The following AUTS2 variants were observed in gnomAD, a reference collection of about 807,000 sequenced individuals.
The protein encoded by AUTS2 is activator of transcription and developmental regulator AUTS2, also known as autism susceptibility gene 2 protein.
In AUTS2, 17 loss-of-function variants were observed where a neutral mutation model predicts 112.4. The ratio of observed to expected loss-of-function variants is 0.15; its 90% CI spans 0.10 to 0.23. The LOEUF (loss-of-function observed/expected upper bound fraction) is 0.23, where lower values mean the gene tolerates loss of function less well. Ranked by LOEUF, AUTS2 falls within the 10% of genes least tolerant of loss-of-function variation. The pLI is 1.00. For missense variants in AUTS2, 1,510 were observed against 1,701.6 expected, an observed-to-expected ratio of 0.89 and a Z score of 1.98; for synonymous variants, 751 against 702.7, an observed-to-expected ratio of 1.07 and a Z score of -1.09.
At chr7:70,668,876 G>A (rs1358767869) in intron 5 of AUTS2, among the ~76,000 whole-genome samples, 1 of 152,196 alleles carries the variant, frequency 6.6e-6, no homozygotes, top group African/African-American at 2.4e-5. Flanking sequence ...AGTAAGGCAC[G>A]CTTCCCTGGG....
At chr7:69,956,907 G>A (rs1272304523) in intron 2 of AUTS2, among the ~76,000 whole-genome samples, 2 of 141,160 alleles carry the variant, frequency 1.4e-5, no homozygotes, top group Non-Finnish European at 3.1e-5. Context: ...CCATTGTCCA[G>A]GCTGTAATGC....
chr7:69,947,637 T>G (rs558181657), intron 2 of AUTS2, among the ~76,000 whole-genome samples: 2 of 152,216 alleles, frequency 1.3e-5, no homozygotes, highest in Non-Finnish European at 2.9e-5. Context: ...TATCCAAGTT[T>G]CTGTTTCGGG....
At position 69,686,403 on chromosome 7, in the gene AUTS2, G is replaced by A. The variant is rs150326274; in HGVS notation, c.309+86441G>A. On this transcript the variant is annotated intron_variant, in intron 1 of 18. Coordinates refer to ENST00000342771, the MANE Select transcript of AUTS2 (RefSeq NM_015570.4). ...CTAATATGAACCAAAAAATATATTA[G>A]GTACAGTTTTCTGAGTTGATATTGA... Among the ~76,000 whole-genome samples, 139 of 152,164 alleles carry A rather than the reference G, an allele frequency of 9.1e-4. 1 individual carries two copies. Among genetic ancestry groups the A allele is most frequent in the East Asian group, 8.7e-3 (45 of 5,172 alleles).
chr7:70,478,927 G>A (rs975916880), intron 5 of AUTS2, among the ~76,000 whole-genome samples: 1 of 152,028 alleles, frequency 6.6e-6, no homozygotes, highest in Non-Finnish European at 1.5e-5. Flanking sequence ...GAGATTAGAT[G>A]TTATGTCGCC....
intron 2 of AUTS2, among the ~76,000 whole-genome samples, chr7:70,053,795 G>C (rs1801870204): frequency 6.6e-6 from 1 of 152,068 alleles, no homozygotes. Context: ...TCCTGTCTTG[G>C]CCTCCCAAAG....
intron 6 of AUTS2, among the ~76,000 whole-genome samples, chr7:70,708,746 A>G (rs1034138473): frequency 6.6e-6 from 1 of 152,160 alleles, no homozygotes; most frequent in Non-Finnish European, 1.5e-5. Context: ...GCTCATCGTT[A>G]GACTAAAACC....
intron 1 of AUTS2, among the ~76,000 whole-genome samples, chr7:69,722,596 A>C (rs1189649653): frequency 6.6e-6 from 1 of 152,170 alleles, no homozygotes; most frequent in Non-Finnish European, 1.5e-5. Flanking sequence ...TTGTCCCCGC[A>C]AAGTGCTGGG....
chr7:69,971,944 A>G (rs1319843920), intron 2 of AUTS2, among the ~76,000 whole-genome samples: 2 of 152,192 alleles, frequency 1.3e-5, no homozygotes, highest in African/African-American at 4.8e-5. Context: ...TAATTGTCCA[A>G]GAGTGCAGTT....
At chr7:70,692,057 G>A (rs559953684) in intron 5 of AUTS2, among the ~76,000 whole-genome samples, 1 of 151,928 alleles carries the variant, frequency 6.6e-6, no homozygotes, top group Admixed American at 6.6e-5. Flanking sequence ...TAGTAGAGAC[G>A]GGGTTTCGCC....
intron 2 of AUTS2, among the ~76,000 whole-genome samples, chr7:69,925,845 A>G (rs1356170572): frequency 6.6e-6 from 1 of 152,158 alleles, no homozygotes; most frequent in Non-Finnish European, 1.5e-5. Flanking sequence ...ATTTAACTCC[A>G]TTGTGATTTA....
intron 5 of AUTS2, among the ~76,000 whole-genome samples, chr7:70,553,195 T>C (rs1472625979): frequency 6.6e-6 from 1 of 152,192 alleles, no homozygotes; most frequent in African/African-American, 2.4e-5. Context: ...TGTGCGTATT[T>C]TAGGGGATAC....
intron 2 of AUTS2, among the ~76,000 whole-genome samples, chr7:70,068,898 C>CCCT (rs1802623734): frequency 1.3e-5 from 2 of 152,186 alleles, no homozygotes; most frequent in South Asian, 4.1e-4. Context: ...GTCTGTGAGA[C>CCCT]CTTTCGATAA....
chr7:70,286,083 ACT>A (rs2129611241), intron 4 of AUTS2, among the ~76,000 whole-genome samples: 1 of 152,294 alleles, frequency 6.6e-6, no homozygotes, highest in East Asian at 1.9e-4. Context: ...ACGTTCAAAG[ACT>A]CTGAAACAGG....
intron 4 of AUTS2, among the ~76,000 whole-genome samples, chr7:70,178,306 T>C (rs1319159247): frequency 1.6e-5 from 2 of 125,202 alleles, no homozygotes; most frequent in African/African-American, 6.8e-5. Flanking sequence ...TTAAAAATAC[T>C]TTTTTTTTTC....
chr7:70,512,325 G>A (rs1420048185), intron 5 of AUTS2, among the ~76,000 whole-genome samples: 1 of 152,192 alleles, frequency 6.6e-6, no homozygotes, highest in Non-Finnish European at 1.5e-5. Context: ...GATTTCAAAT[G>A]CTGTTTTGAG....
chr7:70,119,099 C>T (rs1805547700), intron 3 of AUTS2: 1 of 151,736 alleles, frequency 6.6e-6, no homozygotes, highest in Admixed American at 6.6e-5. Context: ...AAGCTATTCT[C>T]CTGCCTCATC....
intron 2 of AUTS2, among the ~76,000 whole-genome samples, chr7:69,982,019 G>A (rs546530697): frequency 1.3e-5 from 2 of 152,310 alleles, no homozygotes; most frequent in African/African-American, 2.4e-5. Flanking sequence ...ATCAGTGTGA[G>A]TTTCTTAAGG....
intron 5 of AUTS2, among the ~76,000 whole-genome samples, chr7:70,637,950 C>T (rs1476842624): frequency 1.3e-5 from 2 of 152,092 alleles, no homozygotes; most frequent in Non-Finnish European, 2.9e-5. Context: ...GTGAGTTGGG[C>T]TCAGGTTGGC....
In AUTS2 at chr7:70,792,830, G is replaced by A. The variant is rs1187150572; in HGVS notation, c.*1834G>A. The A allele has an allele frequency of 1.3e-5, 2 of 152,610 alleles. No individual in the cohort carries two copies. Among genetic ancestry groups the A allele is most frequent in the African/African-American group, 2.4e-5 (1 of 41,440 alleles). 9.5% of individuals were successfully genotyped at this position (152,610 alleles called of 1,614,324 possible). ...GTTCTCATCGGCGGAGCCTTCTTGT[G>A]TAATGTAAACTGTGCCATGTTATTA... is the stretch of plus-strand genomic sequence containing the variant. On this transcript the variant is annotated 3_prime_UTR_variant, in exon 19 of 19. Coordinates refer to ENST00000342771, the MANE Select transcript of AUTS2 (RefSeq NM_015570.4).
Sources: gnomAD v4.1 joint callset for allele counts (sites outside exome capture counted in the v4.1 genomes callset) on GRCh38, gnomAD v4.1.1 for gene constraint, MANE v1.5 for transcripts, NCBI Gene and HGNC (gene_info 2026-07-23, HGNC 2026-07-21) for gene names.